Variants in SPHKAP observed in about 807,000 individuals in gnomAD.
The protein encoded by SPHKAP is A-kinase anchor protein SPHKAP.
A neutral mutation model predicts 137.5 loss-of-function variants in SPHKAP; 67 were observed. The observed-to-expected ratio is 0.49, with a 90% CI of 0.40 to 0.60. The LOEUF is 0.60. SPHKAP is among the 20% of genes least tolerant of loss of function. The pLI, the probability that SPHKAP is intolerant of heterozygous loss-of-function variation, is 0.00. For synonymous variants in SPHKAP, 813 were observed against 785.3 expected, an observed-to-expected ratio of 1.04 and a Z score of -0.59; for missense variants, 2,097 against 2,069.3, an observed-to-expected ratio of 1.01 and a Z score of -0.26.
chr2:227,986,350 A>AT (rs1301297498), intron 11 of SPHKAP, among the ~76,000 whole-genome samples: 1 of 152,188 alleles, frequency 6.6e-6, no homozygotes, highest in Non-Finnish European at 1.5e-5. Context: ...GTTCTCACTC[A>AT]TAAGTGGGAG....
intron 2 of SPHKAP, among the ~76,000 whole-genome samples, chr2:228,119,469 A>ACTCTCT (rs1176221621): frequency 2.7e-5 from 4 of 150,500 alleles, no homozygotes; most frequent in African/African-American, 9.9e-5. Flanking sequence ...ACACACACAC[A>ACTCTCT]CACTCTCTCT....
chr2:228,119,326 T>C (rs1382993801), intron 2 of SPHKAP, among the ~76,000 whole-genome samples: 3 of 152,176 alleles, frequency 2.0e-5, no homozygotes, highest in Non-Finnish European at 2.9e-5. Context: ...GGCCAGATAT[T>C]CTTTAATGTC....
intron 3 of SPHKAP, among the ~76,000 whole-genome samples, chr2:228,042,411 A>G (rs1266239268): frequency 3.3e-5 from 5 of 152,164 alleles, no homozygotes; most frequent in Non-Finnish European, 5.9e-5. Flanking sequence ...TACATACCAT[A>G]TGACGTATCC....
chr2:228,025,368 T>C, intron 5 of SPHKAP, 26 bp downstream of exon 5: 1 of 1,612,660 alleles, frequency 6.2e-7, no homozygotes, highest in Non-Finnish European at 8.5e-7. Context: ...TGTAAGTAAA[T>C]GGCTTATCAA....
intron 3 of SPHKAP, among the ~76,000 whole-genome samples, chr2:228,077,819 A>G (rs1697231782): frequency 6.6e-6 from 1 of 152,128 alleles, no homozygotes; most frequent in South Asian, 2.1e-4. Flanking sequence ...CCAGGAGCAG[A>G]ATGATATAGT....
intron 3 of SPHKAP, among the ~76,000 whole-genome samples, chr2:228,031,610 C>T (rs1252526912): frequency 6.6e-6 from 1 of 152,206 alleles, no homozygotes; most frequent in African/African-American, 2.4e-5. Context: ...AACTCGGAGG[C>T]ACCCCCCAGT....
At chr2:228,136,916 CTTGATAATTCCTACTCTGTCCT>C (rs1225232770) in intron 1 of SPHKAP, among the ~76,000 whole-genome samples, 1 of 152,094 alleles carries the variant, frequency 6.6e-6, no homozygotes, top group African/African-American at 2.4e-5. Context: ...ACCTTCCCTT[CTTGATAATTCCTACTCTGTCCT>C]TTGGGTCTCA....
At chr2:228,008,688 T>C (rs1694238396) in intron 7 of SPHKAP, among the ~76,000 whole-genome samples, 2 of 152,260 alleles carry the variant, frequency 1.3e-5, no homozygotes, top group Admixed American at 1.3e-4. Context: ...GATTCATTTT[T>C]TTTTTTTTGC....
intron 3 of SPHKAP, chr2:228,028,169 A>G (rs570115421): frequency 3.9e-6 from 2 of 512,510 alleles, no homozygotes; most frequent in South Asian, 1.7e-4. Context: ...GTGTTATCAG[A>G]TCTCATGAAA....
chr2:227,992,280 T>C (rs1159138434), intron 9 of SPHKAP, among the ~76,000 whole-genome samples: 1 of 152,248 alleles, frequency 6.6e-6, no homozygotes, highest in Non-Finnish European at 1.5e-5. Context: ...AGAAAGAGTA[T>C]AGTAATTCTT....
chr2:228,025,607 A>G lies in SPHKAP; in HGVS notation c.307-79T>C, dbSNP rs1421058883. On this transcript the variant is annotated intron_variant, in intron 4 of 11. Coordinates refer to ENST00000392056, the MANE Select transcript of SPHKAP (RefSeq NM_001142644.2). ...CTCACAAACTACTTTACCTTCAGAA[A>G]TAATACTCATAACTGCTCATACATA... 3 of 1,526,928 alleles carry G rather than the reference A, an allele frequency of 2.0e-6. No individual in the cohort carries two copies. The African/African-American group carries it at 4.1e-5, about 21-fold the overall frequency. The allele number at this position is 1,526,928 out of a possible 1,614,324, so 94.6% of individuals were successfully genotyped here.
intron 3 of SPHKAP, among the ~76,000 whole-genome samples, chr2:228,071,007 A>C (rs551606873): frequency 6.6e-6 from 1 of 152,312 alleles, no homozygotes; most frequent in South Asian, 2.1e-4. Flanking sequence ...GGCAAGGTAC[A>C]TGATGATTTC....
chr2:228,018,406 A>G lies in SPHKAP; in HGVS notation c.2448T>C (p.Arg816=), dbSNP rs1219188921. 1.2e-6 allele frequency: 2 copies of G among 1,613,998 alleles called. No homozygotes were observed. The highest frequency in any genetic ancestry group is 1.1e-5 in the South Asian group (1 of 91,080). ...TTGAAGAATCGGGCACTCTGTGACT[A>G]CGTGATAATTGTGACTGCAGCGTGG... ...KNPTLQSQLS[R]SHRVPDSSTA... Residue 816 remains arginine, a synonymous_variant, in exon 7 of 12, where the codon CGT becomes CGC. Coordinates refer to ENST00000392056, the MANE Select transcript of SPHKAP (RefSeq NM_001142644.2).
At chr2:228,168,178 T>A (rs1700475289) in intron 1 of SPHKAP, among the ~76,000 whole-genome samples, 1 of 149,536 alleles carries the variant, frequency 6.7e-6, no homozygotes. Context: ...AAATTAAATA[T>A]GAATAGACCA....
chr2:227,982,045 A>G, intron 11 of SPHKAP, 185 bp from the exon 12 acceptor site: 2 of 866,920 alleles, frequency 2.3e-6, no homozygotes, highest in Non-Finnish European at 2.7e-6. Context: ...GAACTTCATC[A>G]AGTGAATTTT....
intron 1 of SPHKAP, among the ~76,000 whole-genome samples, chr2:228,171,614 A>C (rs1700586783): frequency 6.6e-6 from 1 of 152,154 alleles, no homozygotes; most frequent in Non-Finnish European, 1.5e-5. Flanking sequence ...AAGAAATGAA[A>C]AGTTAATTTC....
In SPHKAP at chr2:228,022,766, C is replaced by T. The variant is rs190050035; in HGVS notation, c.442-800G>A. ...TTGGTCAAGCTGAAGGGAATGTCAA[C>T]GCTGTCTTGGTTACCTCTCTTGATT... On this transcript the variant is annotated intron_variant, in intron 5 of 11. Transcript: ENST00000392056. 1.2e-4 allele frequency among the ~76,000 whole-genome samples: 18 copies of T among 152,280 alleles called. No homozygotes were observed. The South Asian group carries it at 1.2e-3, about 11-fold the overall frequency.
chr2:228,018,871 A>T lies in SPHKAP; in HGVS notation c.1983T>A (p.Asn661Lys), dbSNP rs776695880. 2.5e-6 allele frequency: 4 copies of T among 1,614,124 alleles called. No homozygotes were observed. The highest frequency in any genetic ancestry group is 3.4e-6 in the Non-Finnish European group (4 of 1,180,014). Residue 661 changes from asparagine to lysine, a missense_variant, in exon 7 of 12, where the codon AAT (asparagine) becomes AAA (lysine). By Grantham distance (94) the Asn-to-Lys change is moderately conservative. Transcript: ENST00000392056. ...TATGTGCCAGTTCATTCCTGACGAC[A>T]TTTTCTGAGCACAGGGTCTGAGACT... ...ASKSQTLCSENVVRNELAHTL... is the reference protein window; with the variant it reads ...ASKSQTLCSEKVVRNELAHTL...
rs1321915760 is a variant in SPHKAP at position 228,016,668 on chromosome 2, G to T, written c.4186C>A (p.His1396Asn). Reference sequence around the variant, plus strand: ...TCTTTTTTAGAATCTAAAGGGCTGTGGTTTGTAAGAGAAGCAGTTTTGCTC... The same window carrying T: ...TCTTTTTTAGAATCTAAAGGGCTGTTGTTTGTAAGAGAAGCAGTTTTGCTC... The part of the protein sequence containing the change: ...SLSKTASLTN[H>N]SPLDSKKETS... The change falls in exon 7 of 12, where the codon CAC becomes AAC. Residue 1396 changes from histidine (H) to asparagine (N), a missense_variant. By Grantham distance (68) the His-to-Asn change is moderately conservative. Transcript: ENST00000392056. 6.2e-7 allele frequency: 1 copy of T among 1,614,108 alleles called. No homozygotes were observed. Among genetic ancestry groups the T allele is most frequent in the South Asian group, 1.1e-5 (1 of 91,080 alleles).
Sources: allele counts gnomAD v4.1 joint callset (sites outside exome capture counted in the v4.1 genomes callset), GRCh38; gene constraint gnomAD v4.1.1; transcripts MANE v1.5; gene names NCBI Gene and HGNC (gene_info 2026-07-23, HGNC 2026-07-21).